The following ADAMTS17 variants were observed in gnomAD, a reference collection of about 807,000 sequenced individuals.
The protein encoded by ADAMTS17 is ADAM metallopeptidase with thrombospondin type 1 motif 17, also known as A disintegrin and metalloproteinase with thrombospondin motifs 17.
A neutral mutation model predicts 141.5 loss-of-function variants in ADAMTS17; 113 were observed. The observed-to-expected ratio is 0.80, with a 90% CI of 0.69 to 0.93. ADAMTS17 has a LOEUF of 0.93. ADAMTS17 is among the 40% of genes least tolerant of loss of function. The probability of loss-of-function intolerance (pLI) is 0.00; values close to 1 mark genes in which losing one functional copy is unlikely to be tolerated. For missense variants in ADAMTS17, 1,659 were observed against 1,517.9 expected (o/e 1.09, Z -1.54); for synonymous variants, 768 against 630.6 (o/e 1.22, Z -3.27).
At chr15:100,256,202 A>G (rs1460096247) in intron 6 of ADAMTS17, among the ~76,000 whole-genome samples, 1 of 152,190 alleles carries the variant, frequency 6.6e-6, no homozygotes, top group East Asian at 1.9e-4. Flanking sequence ...AGGAATGAAA[A>G]GAGGGCTAGA....
chr15:100,134,054 C>T (rs1431708022), intron 10 of ADAMTS17, among the ~76,000 whole-genome samples: 1 of 152,204 alleles, frequency 6.6e-6, no homozygotes, highest in African/African-American at 2.4e-5. Flanking sequence ...CAGAAGGAGA[C>T]AATTTATCAA....
chr15:100,225,793 G>T (rs1314152406), intron 7 of ADAMTS17, among the ~76,000 whole-genome samples: 1 of 143,716 alleles, frequency 7.0e-6, no homozygotes, highest in African/African-American at 2.6e-5. Context: ...CAGCAGTCAC[G>T]GCCTCTGTGC....
At chr15:100,159,069 C>T (rs1377227709) in intron 8 of ADAMTS17, among the ~76,000 whole-genome samples, 4 of 152,036 alleles carry the variant, frequency 2.6e-5, no homozygotes, top group African/African-American at 7.3e-5. Context: ...ATGGAGGTTC[C>T]TCAAAAAATT....
chr15:100,339,882 G>A (rs529425053), intron 2 of ADAMTS17, among the ~76,000 whole-genome samples: 2 of 152,086 alleles, frequency 1.3e-5, no homozygotes, highest in South Asian at 4.2e-4. Context: ...AGAAAGAGAG[G>A]TCTCACATAA....
In ADAMTS17 at chr15:99,974,438, A is replaced by T. The variant is rs750652557; in HGVS notation, c.3252T>A (p.Tyr1084Ter). 2.5e-6 allele frequency: 4 copies of T among 1,614,074 alleles called. No individual in the cohort carries two copies. Among genetic ancestry groups the T allele is most frequent in the Non-Finnish European group, 2.5e-6 (3 of 1,180,050 alleles). Residue 1084 changes from tyrosine (Y) to a stop codon, truncating the protein, a stop_gained, in exon 22 of 22, where the codon TAT becomes TAA. Coordinates refer to ENST00000268070, the MANE Select transcript of ADAMTS17 (RefSeq NM_139057.4). LOFTEE classifies it high-confidence loss of function. ...QRCCQTCRDFYANKMRQPPPN... is the reference protein window; with the variant it reads ...QRCCQTCRDF ...GCGGTGGCTGGCGCATCTTGTTTGC[A>T]TAGAAGTCCCTGCAGGTCTGGCAGC...
chr15:100,336,732 T>G (rs1306003779), intron 2 of ADAMTS17, among the ~76,000 whole-genome samples: 1 of 152,208 alleles, frequency 6.6e-6, no homozygotes, highest in Non-Finnish European at 1.5e-5. Flanking sequence ...ATTATAAAGC[T>G]GGGCAATTTT....
chr15:100,228,628 G>A (rs533886613), intron 7 of ADAMTS17, among the ~76,000 whole-genome samples: 6 of 152,318 alleles, frequency 3.9e-5, no homozygotes, highest in South Asian at 2.1e-4. Context: ...ACGAGAGAGC[G>A]CTGAACAGAC....
At chr15:100,124,157 G>A (rs562887635) in intron 12 of ADAMTS17, among the ~76,000 whole-genome samples, 12 of 151,934 alleles carry the variant, frequency 7.9e-5, no homozygotes, top group African/African-American at 2.7e-4. Context: ...GTAGAGATGG[G>A]GTCTCATCAT....
At chr15:99,984,971 G>GGT (rs2060555766) in intron 20 of ADAMTS17, among the ~76,000 whole-genome samples, 1 of 152,238 alleles carries the variant, frequency 6.6e-6, no homozygotes, top group South Asian at 2.1e-4. Flanking sequence ...GGAGGCACTG[G>GGT]CCTTTGGACC....
chr15:100,294,197 A>T (rs1420672071), intron 3 of ADAMTS17, among the ~76,000 whole-genome samples: 1 of 152,194 alleles, frequency 6.6e-6, no homozygotes, highest in East Asian at 1.9e-4. Context: ...ATTGCTGTTA[A>T]TTATTAGGGT....
intron 10 of ADAMTS17, among the ~76,000 whole-genome samples, chr15:100,149,514 T>A (rs1202602554): frequency 6.6e-6 from 1 of 152,158 alleles, no homozygotes; most frequent in Non-Finnish European, 1.5e-5. Context: ...TTGACCTGAG[T>A]CACCCCTGGT....
chr15:100,197,780 T>C (rs2041176254), intron 8 of ADAMTS17, among the ~76,000 whole-genome samples: 1 of 152,024 alleles, frequency 6.6e-6, no homozygotes. Flanking sequence ...CAAACCCCTC[T>C]ACAGGAATGG....
intron 15 of ADAMTS17, among the ~76,000 whole-genome samples, chr15:100,084,017 C>A (rs1322234958): frequency 6.6e-6 from 1 of 151,918 alleles, no homozygotes; most frequent in Non-Finnish European, 1.5e-5. Context: ...GTGCAGTGCA[C>A]CGTGAGTGAG....
chr15:100,042,208 T>C (rs920018150), intron 18 of ADAMTS17, among the ~76,000 whole-genome samples: 1 of 152,212 alleles, frequency 6.6e-6, no homozygotes, highest in African/African-American at 2.4e-5. Flanking sequence ...GTTTTCTACT[T>C]TTCTTCACTT....
chr15:100,087,846 A>G (rs536025203), intron 15 of ADAMTS17, among the ~76,000 whole-genome samples: 2 of 152,362 alleles, frequency 1.3e-5, no homozygotes, highest in Admixed American at 6.5e-5. Flanking sequence ...TCTCAAAATA[A>G]TAAGAGCTAT....
intron 7 of ADAMTS17, among the ~76,000 whole-genome samples, chr15:100,218,180 C>G (rs4965593): frequency 0.75 from 113,553 of 152,188 alleles, 43,131 homozygotes; most frequent in African/African-American, 0.89. Flanking sequence ...GCCAAACAGA[C>G]GATTTTAAAT....
At chr15:100,006,371 C>T (rs970876106) in intron 18 of ADAMTS17, among the ~76,000 whole-genome samples, 1 of 152,178 alleles carries the variant, frequency 6.6e-6, no homozygotes, top group Non-Finnish European at 1.5e-5. Context: ...ATTTAAAATT[C>T]AATTTCTATT....
intron 10 of ADAMTS17, among the ~76,000 whole-genome samples, chr15:100,135,124 A>G (rs945521231): frequency 1.3e-5 from 2 of 152,198 alleles, no homozygotes; most frequent in African/African-American, 4.8e-5. Flanking sequence ...GGTGGTGTCA[A>G]CTGTTCGTTA....
At position 100,261,531 on chromosome 15, in the gene ADAMTS17, G is replaced by T. The variant is rs1388530197; in HGVS notation, c.979C>A (p.Pro327Thr). The T allele has an allele frequency of 6.2e-7, 1 of 1,614,032 alleles. No homozygotes were observed. The highest frequency in any genetic ancestry group is 1.3e-5 in the African/African-American group (1 of 74,910). The change falls in exon 6 of 22, where the codon CCC becomes ACC. Residue 327 changes from proline (P) to threonine (T), a missense_variant. Coordinates refer to ENST00000268070, the MANE Select transcript of ADAMTS17 (RefSeq NM_139057.4). ...AGGGGCGGGTCGTCCTTCCCGCCGGGAACCTGGTTATTGCCGAGGTATCGC... is the reference window on the plus strand; with the variant it reads ...AGGGGCGGGTCGTCCTTCCCGCCGGTAACCTGGTTATTGCCGAGGTATCGC... ...GARYLGNNQV[P>T]GGKDDPPLVD...
Sources: allele counts gnomAD v4.1 joint callset (sites outside exome capture counted in the v4.1 genomes callset), GRCh38; gene constraint gnomAD v4.1.1; transcripts MANE v1.5; gene names NCBI Gene and HGNC (gene_info 2026-07-23, HGNC 2026-07-21).